Variants in DCLK1 observed in about 807,000 individuals in gnomAD.
The protein encoded by DCLK1 is doublecortin like kinase 1, also known as serine/threonine-protein kinase DCLK1.
DCLK1 carries 16 observed loss-of-function variants against 86.2 expected under a neutral mutation model. That is an observed-to-expected ratio of 0.19 (90% CI 0.13 to 0.28). The LOEUF is 0.28. Ranked by LOEUF, DCLK1 falls within the 10% of genes least tolerant of loss-of-function variation. The pLI is 1.00. For synonymous variants in DCLK1, 369 were observed against 370.5 expected, an observed-to-expected ratio of 1.00 and a Z score of 0.05; for missense variants, 590 against 940.2, an observed-to-expected ratio of 0.63 and a Z score of 4.87.
chr13:35,824,130 C>A lies in DCLK1; in HGVS notation c.1408-1255G>T, dbSNP rs144047079. Among the ~76,000 whole-genome samples, 916 of 152,284 alleles carry A rather than the reference C, an allele frequency of 6.0e-3. 10 individuals are homozygous for A. The highest frequency in any genetic ancestry group is 0.02 in the African/African-American group (838 of 41,558). On this transcript the variant is annotated intron_variant, in intron 10 of 16. Transcript: ENST00000360631. ...GCATGTGTGGCTGTATATGGAGACC[C>A]TGCAAAGATTCCACCAGTCCCAGTT...
chr13:35,941,349 C>T (rs1303018044), intron 4 of DCLK1, among the ~76,000 whole-genome samples: 1 of 152,026 alleles, frequency 6.6e-6, no homozygotes, highest in East Asian at 1.9e-4. Flanking sequence ...GACATGAGTC[C>T]CAGGAAAATG....
intron 4 of DCLK1, among the ~76,000 whole-genome samples, chr13:35,888,398 C>T (rs1233370416): frequency 6.6e-6 from 1 of 152,178 alleles, no homozygotes; most frequent in Non-Finnish European, 1.5e-5. Context: ...TCTAAACCCT[C>T]TTTTCTTTTT....
intron 11 of DCLK1, among the ~76,000 whole-genome samples, chr13:35,819,169 T>G (rs1264571301): frequency 6.6e-6 from 1 of 152,146 alleles, no homozygotes; most frequent in East Asian, 1.9e-4. Flanking sequence ...ATGGGCATGA[T>G]CAATTTGGGG....
At chr13:35,781,112 G>A (rs1194073952) in intron 16 of DCLK1, among the ~76,000 whole-genome samples, 3 of 152,306 alleles carry the variant, frequency 2.0e-5, no homozygotes, top group African/African-American at 7.2e-5. Flanking sequence ...GAAAAACATA[G>A]CATAGAGGAG....
intron 3 of DCLK1, among the ~76,000 whole-genome samples, chr13:36,057,062 A>G (rs1230015135): frequency 1.3e-5 from 2 of 152,024 alleles, no homozygotes; most frequent in Non-Finnish European, 2.9e-5. Flanking sequence ...GTGAGTTTAT[A>G]TACACACACA....
At chr13:36,029,824 A>G (rs140979249) in intron 3 of DCLK1, among the ~76,000 whole-genome samples, 5,729 of 152,316 alleles carry the variant, frequency 0.038, 173 homozygotes, top group Non-Finnish European at 0.049. Flanking sequence ...TGATACCTAC[A>G]TTCCATTTCT....
At chr13:36,064,904 T>C (rs1471948906) in intron 3 of DCLK1, among the ~76,000 whole-genome samples, 1 of 152,190 alleles carries the variant, frequency 6.6e-6, no homozygotes, top group Non-Finnish European at 1.5e-5. Context: ...TTACCTTTTC[T>C]TAAACATGAT....
In DCLK1 at chr13:36,049,434, T is replaced by C. The variant is rs562741730; in HGVS notation, c.723+62435A>G. ...CTGGTTGTTGCATAGATCCCTTCCA[T>C]TAAAGTATTATTTTCTAAAATAAAC... is the stretch of plus-strand genomic sequence containing the variant. On this transcript the variant is annotated intron_variant, in intron 3 of 16. Transcript: ENST00000360631. 2.2e-4 allele frequency among the ~76,000 whole-genome samples: 34 copies of C among 152,326 alleles called. No individual in the cohort carries two copies. In the South Asian group the frequency reaches 7.0e-3, roughly 32 times the overall value.
At chr13:36,118,653 A>G (rs1221301056) in intron 2 of DCLK1, among the ~76,000 whole-genome samples, 1 of 152,304 alleles carries the variant, frequency 6.6e-6, no homozygotes, top group East Asian at 1.9e-4. Context: ...AGCAGAATCA[A>G]CCGAATTTGA....
At chr13:35,861,411 G>T (rs1871374662) in intron 5 of DCLK1, among the ~76,000 whole-genome samples, 1 of 152,122 alleles carries the variant, frequency 6.6e-6, no homozygotes. Flanking sequence ...GGGTCCTGGG[G>T]TTGATCCCTA....
chr13:36,092,290 A>G (rs1261254053), intron 3 of DCLK1, among the ~76,000 whole-genome samples: 3 of 152,122 alleles, frequency 2.0e-5, no homozygotes, highest in East Asian at 3.9e-4. Context: ...AGAGAAAAAA[A>G]TAGTACTTAC....
At chr13:35,899,336 CAA>C (rs1215820406) in intron 4 of DCLK1, among the ~76,000 whole-genome samples, 7 of 130,814 alleles carry the variant, frequency 5.4e-5, no homozygotes, top group Admixed American at 2.5e-4. Flanking sequence ...ACGAGAAATA[CAA>C]GTGTGTGTGT....
chr13:36,083,724 A>C (rs1435365110), intron 3 of DCLK1, among the ~76,000 whole-genome samples: 3 of 152,296 alleles, frequency 2.0e-5, no homozygotes, highest in African/African-American at 7.2e-5. Context: ...AAATTTCAAC[A>C]AATATTTATG....
At chr13:35,783,570 T>C (rs1593584409) in intron 16 of DCLK1, among the ~76,000 whole-genome samples, 1 of 152,158 alleles carries the variant, frequency 6.6e-6, no homozygotes, top group East Asian at 1.9e-4. Flanking sequence ...TTTAATTAAG[T>C]TAATTGAATC....
Position 35,936,184 on chromosome 13 carries a change from C to T in DCLK1, c.823+11174G>A, listed in dbSNP as rs541848493. ...GAATCATCAAAAATGTCAAATGCTA[C>T]CAAGAAGTCAAGAAGGATAAAGAAG... is the stretch of plus-strand genomic sequence containing the variant. On this transcript the variant is annotated intron_variant, in intron 4 of 16. Coordinates refer to ENST00000360631, the MANE Select transcript of DCLK1 (RefSeq NM_001330071.2). 7.6e-4 allele frequency among the ~76,000 whole-genome samples: 116 copies of T among 152,052 alleles called. 1 individual carries two copies. The highest frequency in any genetic ancestry group is 7.2e-4 in the Admixed American group (11 of 15,266).
intron 3 of DCLK1, among the ~76,000 whole-genome samples, chr13:36,069,461 G>A (rs1407399708): frequency 3.9e-5 from 6 of 152,098 alleles, no homozygotes; most frequent in Non-Finnish European, 8.8e-5. Context: ...TTTTCACCCT[G>A]AGGCTCCACA....
At chr13:35,905,164 T>C (rs575949432) in intron 4 of DCLK1, among the ~76,000 whole-genome samples, 44 of 152,300 alleles carry the variant, frequency 2.9e-4, no homozygotes, top group Middle Eastern at 6.8e-3. Flanking sequence ...CAACTTATGT[T>C]ACTGTGGCCT....
At chr13:35,842,528 G>T (rs1208034485) in intron 6 of DCLK1, among the ~76,000 whole-genome samples, 1 of 152,046 alleles carries the variant, frequency 6.6e-6, no homozygotes, top group East Asian at 1.9e-4. Flanking sequence ...AAAAAACCTG[G>T]TGCTTGAAAG....
intron 10 of DCLK1, among the ~76,000 whole-genome samples, chr13:35,827,084 T>C (rs1868536057): frequency 1.3e-5 from 2 of 152,350 alleles, no homozygotes; most frequent in South Asian, 4.1e-4. Flanking sequence ...TCCCGATAGT[T>C]TGTTTTCATA....
Sources: allele counts gnomAD v4.1 joint callset (sites outside exome capture counted in the v4.1 genomes callset), GRCh38; gene constraint gnomAD v4.1.1; transcripts MANE v1.5; gene names NCBI Gene and HGNC (gene_info 2026-07-23, HGNC 2026-07-21).